PRPH2: variants seen among roughly 807,000 people sequenced by gnomAD.
The protein encoded by PRPH2 is peripherin-2.
A neutral mutation model predicts 31.3 loss-of-function variants in PRPH2; 17 were observed. That is an observed-to-expected ratio of 0.54 (90% confidence interval 0.37 to 0.81). PRPH2 has a LOEUF of 0.81. PRPH2 is among the 40% of genes least tolerant of loss of function. The pLI, the probability that PRPH2 is intolerant of heterozygous loss-of-function variation, is 0.00. For synonymous variants in PRPH2, 165 were observed against 184.4 expected (o/e 0.89, Z 0.85); for missense variants, 430 against 439.7 (o/e 0.98, Z 0.20).
At chr6:42,711,447 G>C (rs1443709845) in intron 1 of PRPH2, among the ~76,000 whole-genome samples, 2 of 152,174 alleles carry the variant, frequency 1.3e-5, no homozygotes, top group Admixed American at 6.5e-5. Context: ...CAGTCTGAGG[G>C]GGGAATGCAG....
At chr6:42,704,715 G>T in intron 1 of PRPH2, 104 bp from the exon 2 acceptor site, 1 of 1,529,402 alleles carries the variant, frequency 6.5e-7, no homozygotes, top group Non-Finnish European at 9.0e-7. Context: ...TCATTCACTC[G>T]CACACTTGGT....
At chr6:42,719,308 C>T (rs1761852170) in intron 1 of PRPH2, among the ~76,000 whole-genome samples, 1 of 151,970 alleles carries the variant, frequency 6.6e-6, no homozygotes, top group African/African-American at 2.4e-5. Flanking sequence ...TCCCGAGTAG[C>T]TGAGATTACA....
rs979720129 is a variant in PRPH2 at position 42,698,214 on chromosome 6, C to G, written c.*81G>C. On this transcript the variant is annotated 3_prime_UTR_variant, in exon 3 of 3. Transcript: ENST00000230381. ...GCCCTCCTTGGGAGATTCAGACTTT[C>G]GGAGTTGGATGAGGGGGAGATCCAC... The G allele has an allele frequency of 2.2e-5, 35 of 1,579,726 alleles. No homozygotes were observed. In the African/African-American group the frequency reaches 4.3e-4, roughly 20 times the overall value.
intron 2 of PRPH2, among the ~76,000 whole-genome samples, chr6:42,703,026 G>A (rs1394788522): frequency 2.0e-5 from 3 of 151,920 alleles, no homozygotes; most frequent in African/African-American, 4.8e-5. Context: ...AAGACTCTAC[G>A]GAGTATGACT....
Position 42,698,315 on chromosome 6 carries a change from G to T in PRPH2, c.1021C>A (p.Gln341Lys). ...GGCCCTCAGCCAGCCTCTGGGGCCT[G>T]GCCTGCGTCTGCGCCCTCGGCTTCC... ...QVEAEGADAG[Q>K]APEAG Residue 341 changes from glutamine to lysine, a missense_variant, in exon 3 of 3, where the codon CAG becomes AAG. Physicochemically the swap from Gln to Lys is moderately conservative, Grantham distance 53 (BLOSUM62 1). Coordinates refer to ENST00000230381, the MANE Select transcript of PRPH2 (RefSeq NM_000322.5). 6.2e-7 allele frequency: 1 copy of T among 1,613,880 alleles called. No individual in the cohort carries two copies. The highest frequency in any genetic ancestry group is 1.3e-5 in the African/African-American group (1 of 75,030).
chr6:42,704,408 A>G lies in PRPH2; in HGVS notation c.785T>C (p.Met262Thr). The G allele has an allele frequency of 1.2e-6, 2 of 1,610,486 alleles. No homozygotes were observed. Among genetic ancestry groups the G allele is most frequent in the South Asian group, 2.2e-5 (2 of 90,396 alleles). ...GAGCGTGACGACACCCATGGAGTTCATGAGGCTGCTGTAGTAGCTCAGCAG... is the reference window on the plus strand; with the variant it reads ...GAGCGTGACGACACCCATGGAGTTCGTGAGGCTGCTGTAGTAGCTCAGCAG... The part of the protein sequence containing the change: ...AALLSYYSSL[M>T]NSMGVVTLLI... The change falls in exon 2 of 3, where the codon ATG becomes ACG. Residue 262 changes from methionine to threonine, a missense_variant. Met to Thr is a moderately conservative substitution (Grantham distance 81, BLOSUM62 -1). Transcript: ENST00000230381.
At chr6:42,707,188 C>T (rs1445299062) in intron 1 of PRPH2, among the ~76,000 whole-genome samples, 1 of 152,156 alleles carries the variant, frequency 6.6e-6, no homozygotes, top group Non-Finnish European at 1.5e-5. Context: ...GTATGAGCCA[C>T]TGCGCTCGGC....
At chr6:42,718,323 C>T (rs1761829221) in intron 1 of PRPH2, among the ~76,000 whole-genome samples, 1 of 151,196 alleles carries the variant, frequency 6.6e-6, no homozygotes, top group South Asian at 2.1e-4. Flanking sequence ...AAAATTAGCC[C>T]AGCATGGTGC....
intron 1 of PRPH2, among the ~76,000 whole-genome samples, chr6:42,708,995 G>T (rs1372613552): frequency 6.6e-6 from 1 of 152,156 alleles, no homozygotes; most frequent in Non-Finnish European, 1.5e-5. Flanking sequence ...AGGAGCAAGT[G>T]GGGCCCAGAG....
intron 1 of PRPH2, among the ~76,000 whole-genome samples, chr6:42,705,632 T>TATATATATATATATA (rs1800149443): frequency 9.5e-6 from 1 of 105,292 alleles, no homozygotes; most frequent in Non-Finnish European, 2.0e-5. Context: ...ATATATATAT[T>TATATATATATATATA]TGTGCACTTG....
intron 2 of PRPH2, among the ~76,000 whole-genome samples, chr6:42,701,267 G>A (rs1264963833): frequency 6.6e-6 from 1 of 152,040 alleles, no homozygotes; most frequent in Non-Finnish European, 1.5e-5. Flanking sequence ...GGGATTACAG[G>A]CATGCACCAT....
Position 42,698,213 on chromosome 6 carries a change from T to C in PRPH2, c.*82A>G, listed in dbSNP as rs1799980208. Reference sequence around the variant, plus strand: ...TGCCCTCCTTGGGAGATTCAGACTTTCGGAGTTGGATGAGGGGGAGATCCA... The same window carrying C: ...TGCCCTCCTTGGGAGATTCAGACTTCCGGAGTTGGATGAGGGGGAGATCCA... On this transcript the variant is annotated 3_prime_UTR_variant, in exon 3 of 3. Coordinates refer to ENST00000230381, the MANE Select transcript of PRPH2 (RefSeq NM_000322.5). The C allele has an allele frequency of 2.5e-6, 4 of 1,579,668 alleles. No individual in the cohort carries two copies. In the South Asian group the frequency reaches 3.4e-5, roughly 13 times the overall value.
In PRPH2 at chr6:42,698,074, C is replaced by A; in HGVS notation, c.*221G>T. Reference sequence around the variant, plus strand: ...GCGGGCCTGAAGGGAGCTTCACTCACATTCACATTAGCTTCATTCACATTT... The same window carrying A: ...GCGGGCCTGAAGGGAGCTTCACTCAAATTCACATTAGCTTCATTCACATTT... On this transcript the variant is annotated 3_prime_UTR_variant, in exon 3 of 3. Coordinates refer to ENST00000230381, the MANE Select transcript of PRPH2 (RefSeq NM_000322.5). 2 of 619,392 alleles carry A rather than the reference C, an allele frequency of 3.2e-6. No homozygotes were observed. Among genetic ancestry groups the A allele is most frequent in the Non-Finnish European group, 5.5e-6 (2 of 361,726 alleles). The allele number at this position is 619,392 out of a possible 1,614,324, so 38.4% of individuals were successfully genotyped here.
intron 1 of PRPH2, among the ~76,000 whole-genome samples, chr6:42,716,919 C>CTTTTTTCTTTTCT (rs147201691): frequency 1.8e-5 from 2 of 114,238 alleles, no homozygotes; most frequent in African/African-American, 6.9e-5. Context: ...CTCACCGGGC[C>CTTTTTTCTTTTCT]TTTTTTCTTT....
At position 42,722,112 on chromosome 6, in the gene PRPH2, TGAA is replaced by T. The variant is rs749136402; in HGVS notation, c.220_222del (p.Phe74del). Reference sequence around the variant, plus strand: ...TAGCAGATCTTCCCAGCCAGCGAGTTGAAGACACAGGATAGCACCCCCATCCCT... The same window carrying T: ...TAGCAGATCTTCCCAGCCAGCGAGTTGACACAGGATAGCACCCCCATCCCT... On this transcript the variant is annotated inframe_deletion, in exon 1 of 3. Transcript: ENST00000230381. The surrounding 1 kb of genome is among the most constrained non-coding windows in gnomAD (Gnocchi z 4.4). 1 of 1,614,118 alleles carries T rather than the reference TGAA, an allele frequency of 6.2e-7. No individual in the cohort carries two copies. Among genetic ancestry groups the T allele is most frequent in the Admixed American group, 1.7e-5 (1 of 60,006 alleles).
intron 1 of PRPH2, among the ~76,000 whole-genome samples, chr6:42,709,195 T>TGGC (rs1277874112): frequency 6.6e-6 from 1 of 152,010 alleles, no homozygotes; most frequent in African/African-American, 2.4e-5. Context: ...CCGGGCGTGG[T>TGGC]GGCGGGCGCC....
chr6:42,699,764 G>A (rs1582760928), intron 2 of PRPH2, among the ~76,000 whole-genome samples: 5 of 152,002 alleles, frequency 3.3e-5, no homozygotes, highest in African/African-American at 4.8e-5. Context: ...GTGGTGGCGC[G>A]TGCCTGTAGT....
intron 2 of PRPH2, among the ~76,000 whole-genome samples, chr6:42,702,020 C>T (rs902210745): frequency 1.3e-5 from 2 of 151,664 alleles, no homozygotes; most frequent in Non-Finnish European, 2.9e-5. Flanking sequence ...GTTGGGGGAT[C>T]ACCTGTGGTC....
chr6:42,712,479 A>G (rs1761685831), intron 1 of PRPH2, among the ~76,000 whole-genome samples: 1 of 152,224 alleles, frequency 6.6e-6, no homozygotes, highest in Non-Finnish European at 1.5e-5. Flanking sequence ...TACAGGTAAA[A>G]GGAAAGTATG....
Sources: allele counts gnomAD v4.1 joint callset (sites outside exome capture counted in the v4.1 genomes callset), GRCh38; gene constraint gnomAD v4.1.1; non-coding constraint Gnocchi (gnomAD v3.1); transcripts MANE v1.5; gene names NCBI Gene and HGNC (gene_info 2026-07-23, HGNC 2026-07-21).